ROR1: variants seen among roughly 807,000 people sequenced by gnomAD.
The protein encoded by ROR1 is ROR family WNT receptor 1, also known as inactive tyrosine-protein kinase transmembrane receptor ROR1.
A neutral mutation model predicts 78.8 loss-of-function variants in ROR1; 19 were observed. That is an observed-to-expected ratio of 0.24 (90% CI 0.17 to 0.35). The LOEUF is 0.35. Ranked by LOEUF, ROR1 falls within the 10% of genes least tolerant of loss-of-function variation. The probability of loss-of-function intolerance (pLI) is 1.00; values close to 1 mark genes in which losing one functional copy is unlikely to be tolerated. For synonymous variants in ROR1, 386 were observed against 433.6 expected (o/e 0.89, Z 1.36); for missense variants, 917 against 1,177.8 (o/e 0.78, Z 3.24).
intron 1 of ROR1, among the ~76,000 whole-genome samples, chr1:63,834,804 C>A (rs1287899901): frequency 6.6e-6 from 1 of 152,088 alleles, no homozygotes; most frequent in Non-Finnish European, 1.5e-5. Flanking sequence ...CAAGGCATGT[C>A]GTTGGGCTCG....
intron 1 of ROR1, among the ~76,000 whole-genome samples, chr1:63,951,294 G>A (rs747341843): frequency 6.6e-6 from 1 of 152,174 alleles, no homozygotes; most frequent in Non-Finnish European, 1.5e-5. Flanking sequence ...GCTTTTTAGA[G>A]CATGACTATG....
At chr1:63,820,645 G>A (rs555233666) in intron 1 of ROR1, among the ~76,000 whole-genome samples, 2 of 152,284 alleles carry the variant, frequency 1.3e-5, no homozygotes, top group African/African-American at 4.8e-5. Flanking sequence ...TGGGGAAGAT[G>A]TGGATAAAAG....
At chr1:63,813,983 A>G (rs1644875210) in intron 1 of ROR1, among the ~76,000 whole-genome samples, 1 of 152,062 alleles carries the variant, frequency 6.6e-6, no homozygotes, top group South Asian at 2.1e-4. Context: ...TCTGTTGCCA[A>G]TTCATTGTTT....
chr1:64,021,757 GAT>G (rs1335284347), intron 2 of ROR1, among the ~76,000 whole-genome samples: 3 of 152,106 alleles, frequency 2.0e-5, no homozygotes, highest in Non-Finnish European at 2.9e-5. Flanking sequence ...TCTGGAAGGG[GAT>G]ATTCTTGATT....
At chr1:63,787,245 C>T (rs984756252) in intron 1 of ROR1, among the ~76,000 whole-genome samples, 1 of 152,166 alleles carries the variant, frequency 6.6e-6, no homozygotes, top group Non-Finnish European at 1.5e-5. Context: ...CTTCTTTTGT[C>T]GTCTCACCTT....
intron 1 of ROR1, among the ~76,000 whole-genome samples, chr1:63,911,582 C>T (rs1033619306): frequency 6.6e-6 from 1 of 152,024 alleles, no homozygotes; most frequent in African/African-American, 2.4e-5. Context: ...AACCATCCCC[C>T]CCACCCCCAA....
chr1:63,895,524 A>G (rs1645432498), intron 1 of ROR1, among the ~76,000 whole-genome samples: 7 of 152,176 alleles, frequency 4.6e-5, no homozygotes, highest in Admixed American at 4.6e-4. Context: ...AGGTTTTGGC[A>G]TGTTTAGTCT....
chr1:64,072,098 C>T (rs941406542), intron 4 of ROR1, among the ~76,000 whole-genome samples: 1 of 152,178 alleles, frequency 6.6e-6, no homozygotes, highest in African/African-American at 2.4e-5. Context: ...TGCTTCTTGT[C>T]TTAGAGCCGA....
chr1:64,177,548 G>A lies in ROR1; in HGVS notation c.1507G>A (p.Val503Ile). 1 of 1,614,106 alleles carries A rather than the reference G, an allele frequency of 6.2e-7. No individual in the cohort carries two copies. The highest frequency in any genetic ancestry group is 8.5e-7 in the Non-Finnish European group (1 of 1,180,014). The change falls in exon 9 of 9, where the codon GTT (valine) becomes ATT (isoleucine). Residue 503 changes from valine to isoleucine, a missense_variant. By Grantham distance (29) the Val-to-Ile change is conservative. Around this residue, in one of 3 missense-constraint regions of ROR1, gnomAD observed 835 missense variants for 1,069.8 expected, o/e 0.78. Coordinates refer to ENST00000371079, the MANE Select transcript of ROR1 (RefSeq NM_005012.4). ...CCCAGGCATGGACCATGCTCAGCTG[G>A]TTGCTATCAAGACCTTGAAAGACTA... The part of the protein sequence containing the change: ...YLPGMDHAQL[V>I]AIKTLKDYNN...
intron 1 of ROR1, among the ~76,000 whole-genome samples, chr1:63,857,141 T>G (rs1645153921): frequency 6.7e-6 from 1 of 150,348 alleles, no homozygotes. Flanking sequence ...TATCTGTTGT[T>G]GAACAACTTT....
At chr1:63,871,545 A>G (rs1437518924) in intron 1 of ROR1, among the ~76,000 whole-genome samples, 2 of 152,204 alleles carry the variant, frequency 1.3e-5, no homozygotes, top group African/African-American at 2.4e-5. Context: ...ATCACTGCCA[A>G]GCACCTTGGA....
At chr1:64,000,083 G>A (rs1019603607) in intron 1 of ROR1, among the ~76,000 whole-genome samples, 1 of 152,116 alleles carries the variant, frequency 6.6e-6, no homozygotes, top group Non-Finnish European at 1.5e-5. Context: ...ATACAAAGGG[G>A]AAAATGAAAT....
chr1:63,789,674 C>CT (rs902307163), intron 1 of ROR1, among the ~76,000 whole-genome samples: 9,837 of 102,460 alleles, frequency 0.096, 571 homozygotes, highest in Non-Finnish European at 0.12. Context: ...CCTTCCTCTC[C>CT]TTTTTTTTTT....
chr1:64,083,249 A>T (rs1647118612), intron 4 of ROR1, among the ~76,000 whole-genome samples: 1 of 152,108 alleles, frequency 6.6e-6, no homozygotes, highest in African/African-American at 2.4e-5. Context: ...ATAGAGAGAG[A>T]GCTTTTTAGG....
At chr1:63,863,378 C>T (rs1557533146) in intron 1 of ROR1, among the ~76,000 whole-genome samples, 1 of 152,102 alleles carries the variant, frequency 6.6e-6, no homozygotes, top group South Asian at 2.1e-4. Context: ...ATAGACACTT[C>T]GGAGCCTGAG....
chr1:63,909,253 T>G (rs915751043), intron 1 of ROR1, among the ~76,000 whole-genome samples: 6 of 152,186 alleles, frequency 3.9e-5, no homozygotes, highest in Non-Finnish European at 7.3e-5. Flanking sequence ...CTTTTTTAAC[T>G]TAGGAAACTG....
intron 1 of ROR1, among the ~76,000 whole-genome samples, chr1:63,844,994 G>A (rs990471204): frequency 6.6e-6 from 1 of 152,090 alleles, no homozygotes; most frequent in African/African-American, 2.4e-5. Flanking sequence ...TCCTCAGCCT[G>A]GCTCAAATCA....
At chr1:63,827,088 T>A (rs1644958400) in intron 1 of ROR1, among the ~76,000 whole-genome samples, 1 of 152,150 alleles carries the variant, frequency 6.6e-6, no homozygotes, top group Admixed American at 6.5e-5. Context: ...TGCATGTATG[T>A]CTTTTGAGAA....
chr1:63,935,148 C>T (rs935298413), intron 1 of ROR1, among the ~76,000 whole-genome samples: 1 of 151,802 alleles, frequency 6.6e-6, no homozygotes, highest in African/African-American at 2.4e-5. Context: ...CCTCCCTCCC[C>T]TGCCAACACC....
Sources: gnomAD v4.1 joint callset for allele counts (sites outside exome capture counted in the v4.1 genomes callset) on GRCh38, gnomAD v4.1.1 for gene constraint, gnomAD v4.1.1 regional missense constraint, MANE v1.5 for transcripts, NCBI Gene and HGNC (gene_info 2026-07-23, HGNC 2026-07-21) for gene names.